Variants in SAP130 observed in about 807,000 individuals in gnomAD.
SAP130 encodes histone deacetylase complex subunit SAP130.
Under a neutral mutation model 103.2 loss-of-function variants are expected in SAP130, and 16 were observed. That is an observed-to-expected ratio of 0.16 (90% CI 0.10 to 0.24). The LOEUF is 0.24. SAP130 is among the 10% of genes least tolerant of loss of function. SAP130 has a pLI of 1.00. For synonymous variants in SAP130, 477 were observed against 497.0 expected, an observed-to-expected ratio of 0.96 and a Z score of 0.53; for missense variants, 990 against 1,359.7, an observed-to-expected ratio of 0.73 and a Z score of 4.28.
At chr2:127,976,500 T>TC (rs1435310307) in intron 15 of SAP130, among the ~76,000 whole-genome samples, 2 of 152,236 alleles carry the variant, frequency 1.3e-5, no homozygotes, top group African/African-American at 4.8e-5. Context: ...AATTTTTTTT[T>TC]CTCAAATGCG....
intron 7 of SAP130, among the ~76,000 whole-genome samples, chr2:128,008,034 C>T (rs77347956): frequency 0.028 from 4,232 of 152,248 alleles, 175 homozygotes; most frequent in African/African-American, 0.093. Flanking sequence ...GAGGCATCTC[C>T]GATTCCTCTT....
intron 18 of SAP130, among the ~76,000 whole-genome samples, chr2:127,947,752 T>TGTGTGTG (rs1291623743): frequency 3.0e-5 from 1 of 33,800 alleles, no homozygotes; most frequent in East Asian, 1.0e-3. Flanking sequence ...ATTAATTTTG[T>TGTGTGTG]ATTGTGTGTG....
At chr2:127,959,178 G>A (rs897369815) in intron 15 of SAP130, among the ~76,000 whole-genome samples, 3 of 152,134 alleles carry the variant, frequency 2.0e-5, no homozygotes, top group South Asian at 2.1e-4. Flanking sequence ...GGAATGGCAC[G>A]GCAGTCAGTT....
intron 7 of SAP130, among the ~76,000 whole-genome samples, chr2:128,010,051 A>G (rs1321351515): frequency 6.6e-6 from 1 of 152,168 alleles, no homozygotes; most frequent in Admixed American, 6.5e-5. Context: ...CTAAAAAGCT[A>G]CATATTTATC....
At chr2:128,001,908 T>C (rs1683587841) in intron 7 of SAP130, among the ~76,000 whole-genome samples, 1 of 152,026 alleles carries the variant, frequency 6.6e-6, no homozygotes, top group Non-Finnish European at 1.5e-5. Flanking sequence ...TATGCGTCCA[T>C]TACCAGAGAA....
intron 11 of SAP130, among the ~76,000 whole-genome samples, chr2:127,995,601 A>C (rs185779929): frequency 1.3e-5 from 2 of 152,348 alleles, no homozygotes; most frequent in East Asian, 3.9e-4. Flanking sequence ...AAAACTCACT[A>C]TTTTGCAACT....
chr2:127,954,077 A>C (rs1335024551), intron 16 of SAP130, among the ~76,000 whole-genome samples: 1 of 152,192 alleles, frequency 6.6e-6, no homozygotes, highest in African/African-American at 2.4e-5. Context: ...AGGTAAAGGG[A>C]ACCAGCGAAA....
Position 128,010,355 on chromosome 2 carries a change from A to G in SAP130, c.783T>C (p.Pro261=), listed in dbSNP as rs35775122. The change falls in exon 7 of 21, where the codon CCT becomes CCC. Residue 261 remains proline, a synonymous_variant. Transcript: ENST00000643581. ...PPVTTSNAIP[P]AVVATVSATR... is the part of the protein sequence containing the mutation. Reference sequence around the variant, plus strand: ...TGGCTGAGACAGTTGCTACCACAGCAGGAGGGATGGCATTGGAGGTGGTCA... The same window carrying G: ...TGGCTGAGACAGTTGCTACCACAGCGGGAGGGATGGCATTGGAGGTGGTCA... The G allele has an allele frequency of 6.0e-3, 9,693 of 1,614,072 alleles. 345 individuals are homozygous for G. The African/African-American group carries it at 0.094, about 16-fold the overall frequency.
chr2:127,964,067 T>G (rs1559046853), intron 15 of SAP130, among the ~76,000 whole-genome samples: 1 of 152,258 alleles, frequency 6.6e-6, no homozygotes, highest in Non-Finnish European at 1.5e-5. Flanking sequence ...CATAGTGGTA[T>G]GTGCCTGTAG....
intron 12 of SAP130, among the ~76,000 whole-genome samples, chr2:127,991,925 G>A (rs1266665063): frequency 2.0e-5 from 3 of 152,176 alleles, no homozygotes; most frequent in Non-Finnish European, 4.4e-5. Context: ...AGCACCGTGT[G>A]GCAGGAGGGC....
chr2:128,013,484 C>T (rs995013003), intron 5 of SAP130, among the ~76,000 whole-genome samples: 1 of 152,136 alleles, frequency 6.6e-6, no homozygotes, highest in African/African-American at 2.4e-5. Context: ...CTTTGCCTTC[C>T]AGTCTTTGTT....
intron 14 of SAP130, among the ~76,000 whole-genome samples, chr2:127,982,048 T>A (rs897628524): frequency 6.6e-6 from 1 of 152,148 alleles, no homozygotes; most frequent in Non-Finnish European, 1.5e-5. Context: ...GGACACTGTT[T>A]ATTTTGAGAC....
chr2:127,945,632 TA>T, intron 18 of SAP130, 73 bp from the exon 19 acceptor site: 1 of 877,110 alleles, frequency 1.1e-6, no homozygotes. Context: ...TCGAGCAGTG[TA>T]AATGCCATTA....
chr2:127,993,986 G>T (rs1682995574), intron 11 of SAP130, among the ~76,000 whole-genome samples: 3 of 151,898 alleles, frequency 2.0e-5, no homozygotes, highest in Non-Finnish European at 2.9e-5. Flanking sequence ...TATGACAAAA[G>T]AAAGATTATA....
intron 4 of SAP130, among the ~76,000 whole-genome samples, chr2:128,015,741 A>G (rs1302374270): frequency 6.6e-6 from 1 of 152,068 alleles, no homozygotes; most frequent in Non-Finnish European, 1.5e-5. Context: ...CAGGAGTTGG[A>G]GACCAGCCTG....
At chr2:127,987,493 T>A (rs1682485557) in intron 13 of SAP130, among the ~76,000 whole-genome samples, 1 of 152,088 alleles carries the variant, frequency 6.6e-6, no homozygotes, top group African/African-American at 2.4e-5. Flanking sequence ...GCCCATACCA[T>A]TATTTTTTCT....
At chr2:127,954,603 C>T (rs1238137312) in intron 16 of SAP130, among the ~76,000 whole-genome samples, 2 of 152,132 alleles carry the variant, frequency 1.3e-5, no homozygotes, top group Non-Finnish European at 2.9e-5. Context: ...GATTGTATAA[C>T]AAGGCAATGA....
At chr2:127,967,941 A>G (rs535028552) in intron 15 of SAP130, among the ~76,000 whole-genome samples, 368 of 152,316 alleles carry the variant, frequency 2.4e-3, no homozygotes, top group Non-Finnish European at 3.5e-3. Flanking sequence ...CAAACTAAAG[A>G]TCTTTTCCAA....
At position 127,999,765 on chromosome 2, in the gene SAP130, C is replaced by T. The variant is rs1313084869; in HGVS notation, c.1189G>A (p.Val397Met). 3 of 1,527,872 alleles carry T rather than the reference C, an allele frequency of 2.0e-6. No homozygotes were observed. Among genetic ancestry groups the T allele is most frequent in the African/African-American group, 1.4e-5 (1 of 71,834 alleles). 94.6% of individuals were successfully genotyped at this position (1,527,872 alleles called of 1,614,324 possible). ...VPSHSSHATAVTTSNIPVAKV... is the reference protein window; with the variant it reads ...VPSHSSHATAMTTSNIPVAKV... ...CCGACTGGGATGTTTGAGGTGGTCA[C>T]AGCAGTAGCATGGGAGGAATGGGAG... The change falls in exon 10 of 21, where the codon GTG becomes ATG. Residue 397 changes from valine to methionine, a missense_variant. Physicochemically the swap from Val to Met is conservative, Grantham distance 21. Around this residue, in one of 6 missense-constraint regions of SAP130, gnomAD observed 336 missense variants for 520.1 expected, o/e 0.65. Transcript: ENST00000643581.
Sources: allele counts gnomAD v4.1 joint callset (sites outside exome capture counted in the v4.1 genomes callset), GRCh38; gene constraint gnomAD v4.1.1; regional missense constraint gnomAD v4.1.1; transcripts MANE v1.5; gene names NCBI Gene and HGNC (gene_info 2026-07-23, HGNC 2026-07-21).